LRRTM4: variants seen among roughly 807,000 people sequenced by gnomAD.
LRRTM4 encodes the protein leucine-rich repeat transmembrane neuronal protein 4.
Under a neutral mutation model 47.6 loss-of-function variants are expected in LRRTM4, and 25 were observed. That is an observed-to-expected ratio of 0.53 (90% CI 0.38 to 0.73). LRRTM4 has a LOEUF of 0.73. LRRTM4 is among the 30% of genes least tolerant of loss of function. The probability of loss-of-function intolerance (pLI) is 0.00; values close to 1 mark genes in which losing one functional copy is unlikely to be tolerated. For synonymous variants in LRRTM4, 311 were observed against 269.5 expected (o/e 1.15, Z -1.51); for missense variants, 638 against 713.4 (o/e 0.89, Z 1.20).
intron 3 of LRRTM4, among the ~76,000 whole-genome samples, chr2:77,243,434 TA>T (rs923816143): frequency 0.023 from 701 of 31,054 alleles, 23 homozygotes; most frequent in African/African-American, 0.066. Context: ...ATAAAAAAAA[TA>T]AAAAAAAAAG....
chr2:77,464,740 C>G (rs979520402), intron 3 of LRRTM4, among the ~76,000 whole-genome samples: 4 of 152,014 alleles, frequency 2.6e-5, no homozygotes, highest in Non-Finnish European at 4.4e-5. Flanking sequence ...AGGATTGCCT[C>G]TGAAAATGTA....
At chr2:76,916,092 C>T (rs7592608) in intron 3 of LRRTM4, among the ~76,000 whole-genome samples, 55,742 of 151,728 alleles carry the variant, frequency 0.37, 11,159 homozygotes, top group East Asian at 0.72. Flanking sequence ...AAATGACACA[C>T]AGAACAGATG....
intron 3 of LRRTM4, among the ~76,000 whole-genome samples, chr2:77,255,060 G>C (rs1675725691): frequency 6.6e-6 from 1 of 151,904 alleles, no homozygotes; most frequent in Non-Finnish European, 1.5e-5. Flanking sequence ...AAAATATGAT[G>C]ATATATGTGG....
At chr2:77,090,683 G>A (rs1022665947) in intron 3 of LRRTM4, among the ~76,000 whole-genome samples, 4 of 152,106 alleles carry the variant, frequency 2.6e-5, no homozygotes, top group East Asian at 1.9e-4. Flanking sequence ...CCAGGCCAAG[G>A]AATGTCTGCA....
chr2:76,998,073 T>C (rs1280065653), intron 3 of LRRTM4, among the ~76,000 whole-genome samples: 1 of 151,952 alleles, frequency 6.6e-6, no homozygotes, highest in Non-Finnish European at 1.5e-5. Flanking sequence ...TATATTACAA[T>C]ATAATAATAA....
chr2:77,292,663 C>G (rs1231410857), intron 3 of LRRTM4, among the ~76,000 whole-genome samples: 2 of 126,772 alleles, frequency 1.6e-5, no homozygotes, highest in African/African-American at 6.2e-5. Context: ...CACATGGACA[C>G]AGGAAGGGGA....
chr2:77,363,885 A>G (rs1672333681), intron 3 of LRRTM4, among the ~76,000 whole-genome samples: 1 of 152,150 alleles, frequency 6.6e-6, no homozygotes, highest in Non-Finnish European at 1.5e-5. Flanking sequence ...AAATGAAAAG[A>G]AAAATCTTTA....
chr2:76,949,363 T>A (rs559204602), intron 3 of LRRTM4, among the ~76,000 whole-genome samples: 3 of 151,962 alleles, frequency 2.0e-5, no homozygotes, highest in South Asian at 4.2e-4. Context: ...TTCGCTCTCA[T>A]GGAATTCACA....
chr2:76,832,131 C>G (rs1671370547), intron 3 of LRRTM4, among the ~76,000 whole-genome samples: 1 of 152,066 alleles, frequency 6.6e-6, no homozygotes. Context: ...CTGGCAGGAA[C>G]AAATTAGTTT....
intron 3 of LRRTM4, among the ~76,000 whole-genome samples, chr2:77,212,497 A>G (rs1674323460): frequency 6.7e-6 from 1 of 149,150 alleles, no homozygotes; most frequent in African/African-American, 2.5e-5. Flanking sequence ...AGAGAGAGCG[A>G]GAGAGTTAAT....
intron 3 of LRRTM4, among the ~76,000 whole-genome samples, chr2:77,154,290 GC>G (rs1170035609): frequency 6.6e-6 from 1 of 151,928 alleles, no homozygotes; most frequent in Non-Finnish European, 1.5e-5. Flanking sequence ...TTCTTTCCCT[GC>G]CAAATTTCTG....
chr2:77,139,222 T>C (rs1028798573), intron 3 of LRRTM4, among the ~76,000 whole-genome samples: 1 of 152,134 alleles, frequency 6.6e-6, no homozygotes, highest in African/African-American at 2.4e-5. Context: ...GCAAAAATCC[T>C]CAATAAAATA....
At chr2:76,966,038 C>G (rs1376337188) in intron 3 of LRRTM4, among the ~76,000 whole-genome samples, 1 of 151,408 alleles carries the variant, frequency 6.6e-6, no homozygotes, top group Non-Finnish European at 1.5e-5. Flanking sequence ...ACAAATCGTT[C>G]CTATCATATG....
intron 3 of LRRTM4, among the ~76,000 whole-genome samples, chr2:76,759,267 G>A (rs540957581): frequency 1.3e-4 from 20 of 152,250 alleles, no homozygotes; most frequent in Non-Finnish European, 2.5e-4. Context: ...AGCACTCCCA[G>A]CTGGCAGGCA....
chr2:77,107,818 CAA>C (rs768875970), intron 3 of LRRTM4, among the ~76,000 whole-genome samples: 8 of 57,848 alleles, frequency 1.4e-4, no homozygotes, highest in Admixed American at 2.1e-4. Flanking sequence ...AAATCCAACT[CAA>C]AAAAAAAAAA....
chr2:76,884,893 T>A (rs1186709253), intron 3 of LRRTM4, among the ~76,000 whole-genome samples: 1 of 152,140 alleles, frequency 6.6e-6, no homozygotes, highest in Non-Finnish European at 1.5e-5. Context: ...AAAATTATTG[T>A]ACATATATAA....
At chr2:76,888,736 T>C (rs570228015) in intron 3 of LRRTM4, among the ~76,000 whole-genome samples, 1 of 151,974 alleles carries the variant, frequency 6.6e-6, no homozygotes, top group Admixed American at 6.6e-5. Context: ...TAGTACTATG[T>C]ATTTTGTTCT....
intron 3 of LRRTM4, among the ~76,000 whole-genome samples, chr2:77,355,497 T>C (rs1671934670): frequency 6.6e-6 from 1 of 152,176 alleles, no homozygotes; most frequent in Admixed American, 6.5e-5. Context: ...CTGATTACTT[T>C]CAGGGCAACA....
intron 3 of LRRTM4, among the ~76,000 whole-genome samples, chr2:76,761,009 C>A (rs941894615): frequency 1.3e-5 from 2 of 152,228 alleles, no homozygotes; most frequent in African/African-American, 4.8e-5. Context: ...TCAATTAAAT[C>A]AAAATTTCTA....
Sources: gnomAD v4.1 joint callset for allele counts (sites outside exome capture counted in the v4.1 genomes callset) on GRCh38, gnomAD v4.1.1 for gene constraint, MANE v1.5 for transcripts, NCBI Gene and HGNC (gene_info 2026-07-23, HGNC 2026-07-21) for gene names.